The following PARD3B variants were observed in gnomAD, a reference collection of about 807,000 sequenced individuals.
PARD3B encodes the protein par-3 family cell polarity regulator beta.
A neutral mutation model predicts 130.2 loss-of-function variants in PARD3B; 103 were observed. The ratio of observed to expected loss-of-function variants is 0.79; its 90% CI spans 0.67 to 0.93. PARD3B has a LOEUF of 0.93. Ranked by LOEUF, PARD3B falls within the 40% of genes least tolerant of loss-of-function variation. The probability of loss-of-function intolerance (pLI) is 0.00; values close to 1 mark genes in which losing one functional copy is unlikely to be tolerated. For missense variants in PARD3B, 1,609 were observed against 1,499.2 expected (o/e 1.07, Z -1.21); for synonymous variants, 583 against 553.2 (o/e 1.05, Z -0.76).
chr2:205,171,305 G>A (rs2035161992), intron 11 of PARD3B, among the ~76,000 whole-genome samples: 1 of 152,116 alleles, frequency 6.6e-6, no homozygotes, highest in Non-Finnish European at 1.5e-5. Flanking sequence ...TTTGCTCCTG[G>A]GCTGCCTTTG....
At chr2:205,484,930 A>G (rs2049379878) in intron 20 of PARD3B, among the ~76,000 whole-genome samples, 1 of 152,160 alleles carries the variant, frequency 6.6e-6, no homozygotes, top group Admixed American at 6.5e-5. Flanking sequence ...TGGGTTATTT[A>G]TAGAGTTCAA....
At chr2:205,430,242 T>A (rs1268981054) in intron 19 of PARD3B, among the ~76,000 whole-genome samples, 1 of 152,152 alleles carries the variant, frequency 6.6e-6, no homozygotes, top group African/African-American at 2.4e-5. Flanking sequence ...AGTACCATAT[T>A]TATCCGGGTT....
chr2:204,546,179 C>G, intron 1 of PARD3B, 60 bp downstream of exon 1: 1 of 1,545,390 alleles, frequency 6.5e-7, no homozygotes, highest in South Asian at 1.2e-5. Context: ...CAGGTGCGAC[C>G]CGGTGGCGAC....
chr2:205,401,569 A>G (rs2046253347), intron 19 of PARD3B, among the ~76,000 whole-genome samples: 1 of 152,180 alleles, frequency 6.6e-6, no homozygotes. Context: ...TTCTTTAAAA[A>G]GACACTGTCT....
At chr2:204,931,786 A>G (rs1304668154) in intron 2 of PARD3B, among the ~76,000 whole-genome samples, 1 of 152,014 alleles carries the variant, frequency 6.6e-6, no homozygotes, top group Non-Finnish European at 1.5e-5. Context: ...AATCCAAACT[A>G]AGAGTGGGGG....
At chr2:205,132,843 GCA>G (rs542062017) in intron 10 of PARD3B, among the ~76,000 whole-genome samples, 225 of 152,258 alleles carry the variant, frequency 1.5e-3, no homozygotes, top group South Asian at 8.5e-3. Context: ...AGCTGTTGAC[GCA>G]CAGTGAGTGC....
At chr2:205,322,457 AT>A (rs768098824) in intron 18 of PARD3B, among the ~76,000 whole-genome samples, 19 of 152,168 alleles carry the variant, frequency 1.2e-4, no homozygotes, top group Middle Eastern at 3.2e-3. Flanking sequence ...CCAGCACTTT[AT>A]TAAGTCCCCA....
rs776563776 is a variant in PARD3B, at chr2:204,545,981, G to C, written c.-19G>C. 5.8e-6 allele frequency: 9 copies of C among 1,549,208 alleles called. No individual in the cohort carries two copies. In the East Asian group the frequency reaches 2.0e-4, roughly 34 times the overall value. On this transcript the variant is annotated 5_prime_UTR_variant, in exon 1 of 23. Coordinates refer to ENST00000406610, the MANE Select transcript of PARD3B (RefSeq NM_001302769.2). The stretch of plus-strand genomic sequence containing the variant: ...AGACACCTGTTCGGCCCGGCCCGGC[G>C]TGGTCGCCGGGGGCCAGGATGAAAG...
At position 204,754,505 on chromosome 2, in the gene PARD3B, T is replaced by G. The variant is rs1211155732; in HGVS notation, c.222+68223T>G. ...AGTAAGTATAATAATAGAACCTGCC[T>G]TATAAAGTTATTCTGGAAATCAATA... is the stretch of plus-strand genomic sequence containing the variant. On this transcript the variant is annotated intron_variant, in intron 2 of 22. Transcript: ENST00000406610. 5.9e-5 allele frequency among the ~76,000 whole-genome samples: 9 copies of G among 152,162 alleles called. No individual in the cohort carries two copies. The East Asian group carries it at 1.7e-3, about 29-fold the overall frequency.
intron 18 of PARD3B, among the ~76,000 whole-genome samples, chr2:205,359,326 TCC>T (rs2044306176): frequency 6.6e-6 from 1 of 152,224 alleles, no homozygotes. Context: ...ATATCTTGTC[TCC>T]ACAATAATAA....
chr2:205,056,524 T>A (rs1699643769), intron 4 of PARD3B, among the ~76,000 whole-genome samples: 1 of 151,926 alleles, frequency 6.6e-6, no homozygotes, highest in Non-Finnish European at 1.5e-5. Flanking sequence ...TGGAGGGAGT[T>A]AGTTTTGAAG....
intron 5 of PARD3B, among the ~76,000 whole-genome samples, chr2:205,107,242 G>A (rs1463802880): frequency 6.6e-6 from 1 of 152,090 alleles, no homozygotes; most frequent in Non-Finnish European, 1.5e-5. Context: ...TATTACTGTT[G>A]GATAAAATGT....
chr2:204,791,720 A>T (rs2042212278), intron 2 of PARD3B, among the ~76,000 whole-genome samples: 1 of 152,164 alleles, frequency 6.6e-6, no homozygotes, highest in Non-Finnish European at 1.5e-5. Flanking sequence ...TAAAATAAGG[A>T]TTGTGCCCAT....
At chr2:204,979,205 C>CAA (rs755064647) in intron 3 of PARD3B, among the ~76,000 whole-genome samples, 19 of 90,030 alleles carry the variant, frequency 2.1e-4, no homozygotes, top group African/African-American at 6.1e-4. Context: ...GACTCTGTCT[C>CAA]AAAAAAAAAA....
At chr2:205,098,540 G>A (rs1164087728) in intron 4 of PARD3B, among the ~76,000 whole-genome samples, 1 of 152,176 alleles carries the variant, frequency 6.6e-6, no homozygotes, top group African/African-American at 2.4e-5. Context: ...TTGGGAATGC[G>A]ATGAGCATTC....
chr2:205,553,528 C>A, intron 22 of PARD3B, 125 bp downstream of exon 22: 1 of 820,054 alleles, frequency 1.2e-6, no homozygotes, highest in South Asian at 1.7e-5. Flanking sequence ...TTGCTGCCGT[C>A]TGCTGTAGCC....
In PARD3B at chr2:205,291,875, C is replaced by T. The variant is rs1056101499; in HGVS notation, c.2186-8655C>T. On this transcript the variant is annotated intron_variant, in intron 16 of 22. Transcript: ENST00000406610. The surrounding 1 kb of genome is among the most constrained non-coding windows in gnomAD (Gnocchi z 4.6). ...TATGGATCAGCCATCTCAGCAGAAGCCAGGAGCTATTCTCCAGGACAATGG... is the reference window on the plus strand; with the variant it reads ...TATGGATCAGCCATCTCAGCAGAAGTCAGGAGCTATTCTCCAGGACAATGG... Among the ~76,000 whole-genome samples the T allele has an allele frequency of 6.6e-6, 1 of 152,186 alleles. No homozygotes were observed. The highest frequency in any genetic ancestry group is 2.1e-4 in the South Asian group (1 of 4,830).
At chr2:204,891,762 A>G (rs1295843352) in intron 2 of PARD3B, among the ~76,000 whole-genome samples, 1 of 152,140 alleles carries the variant, frequency 6.6e-6, no homozygotes, top group Non-Finnish European at 1.5e-5. Flanking sequence ...TTCCCCCTGG[A>G]CAATTTTTCT....
At chr2:205,238,348 G>A (rs996790781) in intron 15 of PARD3B, among the ~76,000 whole-genome samples, 8 of 152,176 alleles carry the variant, frequency 5.3e-5, no homozygotes, top group Admixed American at 2.0e-4. Flanking sequence ...GGCACCGGCT[G>A]TCATTCCATC....
Sources: allele counts gnomAD v4.1 joint callset (sites outside exome capture counted in the v4.1 genomes callset), GRCh38; gene constraint gnomAD v4.1.1; non-coding constraint Gnocchi (gnomAD v3.1); transcripts MANE v1.5; gene names NCBI Gene and HGNC (gene_info 2026-07-23, HGNC 2026-07-21).